The following SEMA3E variants were observed in gnomAD, a reference collection of about 807,000 sequenced individuals.
SEMA3E encodes semaphorin-3E.
SEMA3E carries 49 observed loss-of-function variants against 93.6 expected under a neutral mutation model. The observed-to-expected ratio is 0.52, with a 90% confidence interval of 0.42 to 0.66. The LOEUF (loss-of-function observed/expected upper bound fraction) is 0.66, where lower values mean the gene tolerates loss of function less well. Among genes scored for constraint, SEMA3E ranks in the 30% least tolerant of loss-of-function variants. The probability of loss-of-function intolerance (pLI) is 0.00; values close to 1 mark genes in which losing one functional copy is unlikely to be tolerated. For missense variants in SEMA3E, 906 were observed against 964.8 expected (o/e 0.94, Z 0.81); for synonymous variants, 363 against 330.7 (o/e 1.10, Z -1.06).
intron 1 of SEMA3E, among the ~76,000 whole-genome samples, chr7:83,532,875 GTGA>G (rs1179822751): frequency 3.8e-4 from 58 of 151,860 alleles, no homozygotes; most frequent in Non-Finnish European, 4.4e-5. Context: ...TAATTAACAC[GTGA>G]TGTGATCTGT....
chr7:83,509,530 GAAAACAAAAC>G (rs750481774), intron 1 of SEMA3E, among the ~76,000 whole-genome samples: 1 of 152,046 alleles, frequency 6.6e-6, no homozygotes, highest in African/African-American at 2.4e-5. Flanking sequence ...CCCCATGACA[GAAAACAAAAC>G]AAAACAAAAC....
At chr7:83,386,955 C>A in intron 15 of SEMA3E, 28 bp downstream of exon 15, 1 of 1,602,226 alleles carries the variant, frequency 6.2e-7, no homozygotes, top group Non-Finnish European at 8.5e-7. Flanking sequence ...TCTGAGTAAC[C>A]CAGAACAACT....
At chr7:83,464,208 G>T (rs1789701483) in intron 4 of SEMA3E, among the ~76,000 whole-genome samples, 1 of 151,822 alleles carries the variant, frequency 6.6e-6, no homozygotes, top group Non-Finnish European at 1.5e-5. Flanking sequence ...ACCTCACCAA[G>T]TTCAGCCACC....
intron 10 of SEMA3E, among the ~76,000 whole-genome samples, chr7:83,401,936 A>C (rs1788240797): frequency 6.6e-6 from 1 of 152,100 alleles, no homozygotes; most frequent in Non-Finnish European, 1.5e-5. Flanking sequence ...TCATCTCATC[A>C]TCACCCTCAC....
At chr7:83,474,981 T>C (rs1051144430) in intron 2 of SEMA3E, among the ~76,000 whole-genome samples, 1 of 150,966 alleles carries the variant, frequency 6.6e-6, no homozygotes, top group Non-Finnish European at 1.5e-5. Context: ...ACTATACAAA[T>C]ATGTATACAT....
chr7:83,488,760 C>T (rs534048742), intron 2 of SEMA3E, among the ~76,000 whole-genome samples: 1 of 152,142 alleles, frequency 6.6e-6, no homozygotes, highest in African/African-American at 2.4e-5. Flanking sequence ...TGAAGCTAAG[C>T]TCCAGCCAGA....
intron 16 of SEMA3E, among the ~76,000 whole-genome samples, chr7:83,379,833 T>C (rs1787743383): frequency 6.6e-6 from 1 of 151,946 alleles, no homozygotes; most frequent in South Asian, 2.1e-4. Flanking sequence ...TTGCAAGGAT[T>C]AAAAATATTA....
intron 2 of SEMA3E, among the ~76,000 whole-genome samples, chr7:83,485,910 A>C (rs192409465): frequency 3.9e-5 from 6 of 152,278 alleles, no homozygotes; most frequent in African/African-American, 1.4e-4. Flanking sequence ...ATGAAATGTT[A>C]TGTTTTAAAA....
At chr7:83,372,139 T>C (rs1794757606) in intron 16 of SEMA3E, 1 of 395,612 alleles carries the variant, frequency 2.5e-6, no homozygotes, top group Non-Finnish European at 4.5e-6. Context: ...ATGGGGTATA[T>C]CCATACAGAC....
intron 5 of SEMA3E, among the ~76,000 whole-genome samples, chr7:83,412,857 T>C (rs893221697): frequency 6.6e-6 from 1 of 152,012 alleles, no homozygotes; most frequent in Non-Finnish European, 1.5e-5. Flanking sequence ...ATTGGGAATT[T>C]ACGTGGATAA....
intron 1 of SEMA3E, among the ~76,000 whole-genome samples, chr7:83,561,343 A>G (rs555744251): frequency 4.6e-5 from 7 of 152,242 alleles, no homozygotes; most frequent in South Asian, 4.1e-4. Flanking sequence ...GTGCGATAAA[A>G]TGTTTCCCAT....
intron 4 of SEMA3E, among the ~76,000 whole-genome samples, chr7:83,450,722 T>G (rs1221066049): frequency 6.6e-6 from 1 of 152,250 alleles, no homozygotes; most frequent in African/African-American, 2.4e-5. Flanking sequence ...TTTGTCTGTA[T>G]ACTTTTCTTT....
intron 1 of SEMA3E, among the ~76,000 whole-genome samples, chr7:83,493,897 G>A (rs1790435440): frequency 6.6e-6 from 1 of 151,920 alleles, no homozygotes; most frequent in African/African-American, 2.4e-5. Context: ...AAGGTTAGAA[G>A]TATCCATTAT....
intron 1 of SEMA3E, among the ~76,000 whole-genome samples, chr7:83,647,144 G>A (rs759571034): frequency 1.8e-4 from 27 of 151,924 alleles, no homozygotes; most frequent in Non-Finnish European, 3.1e-4. Context: ...AGTATCAATG[G>A]ATTTCTTAAA....
intron 4 of SEMA3E, among the ~76,000 whole-genome samples, chr7:83,465,171 G>A (rs11979949): frequency 0.043 from 6,488 of 151,702 alleles, 225 homozygotes; most frequent in African/African-American, 0.082. Flanking sequence ...CCTCCATTGA[G>A]CACCTTGCGA....
intron 1 of SEMA3E, among the ~76,000 whole-genome samples, chr7:83,632,271 G>C (rs537253780): frequency 1.3e-5 from 2 of 152,032 alleles, no homozygotes; most frequent in African/African-American, 4.8e-5. Flanking sequence ...TAGCAAACAG[G>C]AGAATAACCA....
intron 4 of SEMA3E, among the ~76,000 whole-genome samples, chr7:83,458,973 G>GTGTGTATATA (rs57694179): frequency 1.0e-4 from 14 of 140,616 alleles, no homozygotes; most frequent in African/African-American, 2.9e-4. Flanking sequence ...GTGTGTGTGT[G>GTGTGTATATA]TATATATATA....
intron 1 of SEMA3E, among the ~76,000 whole-genome samples, chr7:83,514,530 G>A (rs967561940): frequency 1.3e-5 from 2 of 152,028 alleles, no homozygotes; most frequent in South Asian, 2.1e-4. Context: ...TTGTGTTGTT[G>A]TTGTTGGTTT....
At chr7:83,609,177 A>G (rs1793193612) in intron 1 of SEMA3E, among the ~76,000 whole-genome samples, 1 of 152,038 alleles carries the variant, frequency 6.6e-6, no homozygotes, top group African/African-American at 2.4e-5. Context: ...TTCAAAAAAT[A>G]CTCAATAGTA....
Sources: gnomAD v4.1 joint callset for allele counts (sites outside exome capture counted in the v4.1 genomes callset) on GRCh38, gnomAD v4.1.1 for gene constraint, MANE v1.5 for transcripts, NCBI Gene and HGNC (gene_info 2026-07-23, HGNC 2026-07-21) for gene names.